The following ZFP69 variants were observed in gnomAD, a reference collection of about 807,000 sequenced individuals.
The protein encoded by ZFP69 is zinc finger protein 69 homolog.
Under a neutral mutation model 48.9 loss-of-function variants are expected in ZFP69, and 35 were observed. The observed-to-expected ratio is 0.72, with a 90% CI of 0.55 to 0.95. The LOEUF (loss-of-function observed/expected upper bound fraction) is 0.95. ZFP69 is among the 40% of genes least tolerant of loss of function. The probability of loss-of-function intolerance (pLI) is 0.00; values close to 1 mark genes in which losing one functional copy is unlikely to be tolerated. For synonymous variants in ZFP69, 193 were observed against 216.8 expected (o/e 0.89, Z 0.96); for missense variants, 557 against 638.4 (o/e 0.87, Z 1.37).
Position 40,479,202 on chromosome 1 carries a change from G to A in ZFP69, c.-160G>A, listed in dbSNP as rs779735175. ...TTCCAGAATTGTTAAAGTCACATCA[G>A]TCTCTAGGAACCCCCAGGTCCTGGT... On this transcript the variant is annotated 5_prime_UTR_variant, in exon 2 of 6. Transcript: ENST00000372706. 3.4e-4 allele frequency: 292 copies of A among 852,670 alleles called. 1 individual carries two copies. The highest frequency in any genetic ancestry group is 4.5e-4 in the Non-Finnish European group (246 of 545,032). 52.8% of individuals were successfully genotyped at this position (852,670 alleles called of 1,614,324 possible). A position where few individuals can be genotyped will look rare whatever the true frequency, so the allele number is the denominator to read the frequency against.
chr1:40,496,196 C>T lies in ZFP69; in HGVS notation c.*137C>T, dbSNP rs936734634. 4 of 879,594 alleles carry T rather than the reference C, an allele frequency of 4.5e-6. No homozygotes were observed. Among genetic ancestry groups the T allele is most frequent in the African/African-American group, 3.4e-5 (2 of 59,328 alleles). 54.5% of individuals were successfully genotyped at this position (879,594 alleles called of 1,614,324 possible). A position where few individuals can be genotyped will look rare whatever the true frequency, so the allele number is the denominator to read the frequency against. ...TTTTTCCCATTGTAAATAAACATTA[C>T]ATTGACAGGTATTGACTACTAACAC... On this transcript the variant is annotated 3_prime_UTR_variant, in exon 6 of 6. Coordinates refer to ENST00000372706, the MANE Select transcript of ZFP69 (RefSeq NM_001320179.2).
In ZFP69 at chr1:40,495,696, C is replaced by T. The variant is rs754796239; in HGVS notation, c.1218C>T (p.Thr406=). The change falls in exon 6 of 6, where the codon ACC becomes ACT. Residue 406 remains threonine, a synonymous_variant. Transcript: ENST00000372706. The part of the protein sequence containing the change: ...RHLSEHIRIH[T]GEKPYACTAC... ...TTAGTGAACATATAAGAATTCATAC[C>T]GGGGAGAAGCCCTATGCATGCACTG... The T allele has an allele frequency of 3.2e-5, 52 of 1,613,976 alleles. No individual in the cohort carries two copies. The highest frequency in any genetic ancestry group is 1.2e-4 in the African/African-American group (9 of 74,904).
chr1:40,494,423 T>C (rs994885101), intron 5 of ZFP69, among the ~76,000 whole-genome samples: 1 of 144,846 alleles, frequency 6.9e-6, no homozygotes, highest in East Asian at 2.0e-4. Flanking sequence ...CGCCCGCCAC[T>C]ACGCCCGGCT....
rs1430916947 is a variant in ZFP69 at position 40,477,764 on chromosome 1, AG to A, written c.-455del. ...AGTGGAGATGTGGTCTGTCTATAAA[AG>A]GCCGGGAGGGAACAATATCTGTTAC... is the stretch of plus-strand genomic sequence containing the variant. On this transcript the variant is annotated 5_prime_UTR_variant, in exon 1 of 6. An upstream open reading frame in the 5' UTR loses its in-frame stop. Transcript: ENST00000372706. The surrounding 1 kb of genome is among the most constrained non-coding windows in gnomAD (Gnocchi z 4.0). 2 of 151,440 alleles carry A rather than the reference AG, an allele frequency of 1.3e-5. No homozygotes were observed. The highest frequency in any genetic ancestry group is 4.9e-5 in the African/African-American group (2 of 41,194). The allele number at this position is 151,440 out of a possible 1,614,324, so 9.4% of individuals were successfully genotyped here. A position where few individuals can be genotyped will look rare whatever the true frequency, so the allele number is the denominator to read the frequency against.
intron 5 of ZFP69, among the ~76,000 whole-genome samples, chr1:40,492,409 T>C (rs1645578489): frequency 6.6e-6 from 1 of 152,180 alleles, no homozygotes; most frequent in South Asian, 2.1e-4. Flanking sequence ...TTTGGGTCTG[T>C]TTCTGTTTTG....
chr1:40,494,923 T>A lies in ZFP69; in HGVS notation c.445T>A (p.Leu149Met). 1.2e-6 allele frequency: 2 copies of A among 1,603,862 alleles called. No individual in the cohort carries two copies. The highest frequency in any genetic ancestry group is 8.5e-7 in the Non-Finnish European group (1 of 1,176,298). Residue 149 changes from leucine to methionine, a missense_variant and splice_region_variant, in exon 6 of 6, where the codon TTG becomes ATG. Coordinates refer to ENST00000372706, the MANE Select transcript of ZFP69 (RefSeq NM_001320179.2). The part of the protein sequence containing the change: ...KEGPGDPSSD[L>M]KSKIETIEST... ...AAGCTTTTTTTCATTTCTTTCAGAC[T>A]TGAAGAGTAAAATAGAAACCATTGA...
At chr1:40,483,680 C>T (rs1249695356) in intron 3 of ZFP69, among the ~76,000 whole-genome samples, 3 of 152,110 alleles carry the variant, frequency 2.0e-5, no homozygotes, top group Non-Finnish European at 2.9e-5. Flanking sequence ...AGACTATTAT[C>T]GTTACTTCTT....
rs1320392597 is a variant in ZFP69 at position 40,495,765 on chromosome 1, C to T, written c.1287C>T (p.His429=). The change falls in exon 6 of 6, where the codon CAC becomes CAT. Residue 429 remains histidine (H), a synonymous_variant. Coordinates refer to ENST00000372706, the MANE Select transcript of ZFP69 (RefSeq NM_001320179.2). ...GTCATAGAGCGTATCTAACACATCA[C>T]CAGAGAATCCATACTGGGGAGAGAC... ...TFSHRAYLTH[H]QRIHTGERPY... 5.0e-6 allele frequency: 8 copies of T among 1,614,168 alleles called. No individual in the cohort carries two copies. In the East Asian group the frequency reaches 6.7e-5, roughly 13 times the overall value.
intron 1 of ZFP69, among the ~76,000 whole-genome samples, chr1:40,478,759 C>CA (rs1645414817): frequency 6.6e-6 from 1 of 152,086 alleles, no homozygotes; most frequent in Non-Finnish European, 1.5e-5. Context: ...GTTGAAGTGT[C>CA]ATAGAGCTTT....
chr1:40,484,210 GT>G (rs1023107077), intron 3 of ZFP69, among the ~76,000 whole-genome samples: 3 of 151,900 alleles, frequency 2.0e-5, no homozygotes, highest in African/African-American at 7.3e-5. Context: ...GTTTGGTTTT[GT>G]TTTTTAAAGA....
At chr1:40,485,953 G>A (rs1029121243) in intron 3 of ZFP69, among the ~76,000 whole-genome samples, 15 of 152,188 alleles carry the variant, frequency 9.9e-5, no homozygotes, top group African/African-American at 3.6e-4. Flanking sequence ...ACCCAGGCAG[G>A]AGTGCAGTGG....
At chr1:40,484,157 T>G (rs1645471658) in intron 3 of ZFP69, among the ~76,000 whole-genome samples, 1 of 152,182 alleles carries the variant, frequency 6.6e-6, no homozygotes, top group African/African-American at 2.4e-5. Context: ...ATTTGTCCTA[T>G]CTAGCCTTTG....
At chr1:40,484,071 G>A (rs1006517237) in intron 3 of ZFP69, among the ~76,000 whole-genome samples, 2 of 151,986 alleles carry the variant, frequency 1.3e-5, no homozygotes, top group Non-Finnish European at 2.9e-5. Flanking sequence ...GCAAAACTCC[G>A]TCTCAAAAAA....
intron 3 of ZFP69, among the ~76,000 whole-genome samples, chr1:40,484,805 TCTC>T (rs1048382035): frequency 3.3e-5 from 5 of 149,914 alleles, no homozygotes; most frequent in African/African-American, 1.2e-4. Context: ...ATGGTCTTGA[TCTC>T]CTGACCTCGT....
At chr1:40,484,421 G>A (rs951647877) in intron 3 of ZFP69, among the ~76,000 whole-genome samples, 5 of 151,944 alleles carry the variant, frequency 3.3e-5, no homozygotes, top group East Asian at 3.9e-4. Context: ...CTGGTCTCAA[G>A]CTCTTAACCT....
At chr1:40,489,679 C>A in intron 5 of ZFP69, 55 bp downstream of exon 5, 4 of 1,292,790 alleles carry the variant, frequency 3.1e-6, no homozygotes, top group Non-Finnish European at 4.4e-6. Flanking sequence ...ATACCTGAAA[C>A]TTCATAATTT....
In ZFP69 at chr1:40,489,486, A is replaced by G. The variant is rs777508056; in HGVS notation, c.347-43A>G. ...AAAATTCTGAGGATGGTTCTTAGAC[A>G]TCAGCATAAACATTCACACTGTTTT... On this transcript the variant is annotated intron_variant, in intron 4 of 5. Transcript: ENST00000372706. 49 of 1,553,018 alleles carry G rather than the reference A, an allele frequency of 3.2e-5. 1 individual carries two copies. In the South Asian group the frequency reaches 3.7e-4, roughly 12 times the overall value.
rs11286167 is a variant in ZFP69 at position 40,494,256 on chromosome 1, A to ATTTTTTTTTT, written c.443-644_443-635dup. Among the ~76,000 whole-genome samples, 11 of 52,032 alleles carry ATTTTTTTTTT rather than the reference A, an allele frequency of 2.1e-4. 1 individual carries two copies. The highest frequency in any genetic ancestry group is 5.8e-4 in the Admixed American group (2 of 3,430). The allele number at this position is 52,032 out of a possible 152,430, so 34.1% of individuals were successfully genotyped here. A position where few individuals can be genotyped will look rare whatever the true frequency, so the allele number is the denominator to read the frequency against. On this transcript the variant is annotated intron_variant, in intron 5 of 5. Transcript: ENST00000372706. ...TTAGAGCAGGACTAAAAGATTCAAA[A>ATTTTTTTTTT]TTTTTTTTTTTTTTTTTTTTTTTTT...
rs1321689118 is a variant in ZFP69, at chr1:40,495,051, C to T, written c.573C>T (p.Val191=). Residue 191 remains valine (V), a synonymous_variant, in exon 6 of 6, where the codon GTC becomes GTT. Transcript: ENST00000372706. ...DDIIYSTLRK[V]STYDDVLERH... is the part of the protein sequence containing the mutation. ...TAATTTATTCCACGTTGAGAAAAGT[C>T]TCCACATATGATGATGTCTTAGAAA... 6.2e-7 allele frequency: 1 copy of T among 1,613,958 alleles called. No homozygotes were observed. The highest frequency in any genetic ancestry group is 1.7e-5 in the Admixed American group (1 of 59,998).
Sources: gnomAD v4.1 joint callset for allele counts (sites outside exome capture counted in the v4.1 genomes callset) on GRCh38, gnomAD v4.1.1 for gene constraint, Gnocchi (gnomAD v3.1) non-coding constraint, MANE v1.5 for transcripts, NCBI Gene and HGNC (gene_info 2026-07-23, HGNC 2026-07-21) for gene names.